Variants in GALNT18 observed in about 807,000 individuals in gnomAD.
GALNT18 encodes polypeptide N-acetylgalactosaminyltransferase 18.
GALNT18 carries 44 observed loss-of-function variants against 69.5 expected under a neutral mutation model. The ratio of observed to expected loss-of-function variants is 0.63; its 90% CI spans 0.50 to 0.81. The LOEUF (loss-of-function observed/expected upper bound fraction) is 0.81, where lower values mean the gene tolerates loss of function less well. Ranked by LOEUF, GALNT18 falls within the 40% of genes least tolerant of loss-of-function variation. GALNT18 has a pLI of 0.00. For missense variants in GALNT18, 715 were observed against 810.0 expected (o/e 0.88, Z 1.42); for synonymous variants, 364 against 318.2 (o/e 1.14, Z -1.53).
chr11:11,576,611 T>C (rs1332711417), intron 1 of GALNT18, among the ~76,000 whole-genome samples: 1 of 152,192 alleles, frequency 6.6e-6, no homozygotes, highest in Non-Finnish European at 1.5e-5. Context: ...GATTAGGAAA[T>C]TGAGGCCACA....
chr11:11,464,458 T>C (rs534033985), intron 1 of GALNT18, among the ~76,000 whole-genome samples: 22 of 152,158 alleles, frequency 1.4e-4, no homozygotes, highest in African/African-American at 5.1e-4. Flanking sequence ...CCCATGAACA[T>C]CTCCTCTTCA....
intron 1 of GALNT18, among the ~76,000 whole-genome samples, chr11:11,482,248 G>A (rs930093102): frequency 1.3e-5 from 2 of 152,242 alleles, no homozygotes; most frequent in Admixed American, 1.3e-4. Flanking sequence ...GGAGGGGCCT[G>A]CCATCCTCCC....
At chr11:11,515,632 G>C (rs1857258399) in intron 1 of GALNT18, among the ~76,000 whole-genome samples, 1 of 152,242 alleles carries the variant, frequency 6.6e-6, no homozygotes. Flanking sequence ...AGTTGGGTTG[G>C]GAGATAGAGA....
At chr11:11,369,522 C>A (rs972488894) in intron 6 of GALNT18, among the ~76,000 whole-genome samples, 1 of 152,138 alleles carries the variant, frequency 6.6e-6, no homozygotes, top group Non-Finnish European at 1.5e-5. Flanking sequence ...TTTGTCTTAA[C>A]TTGATTACAT....
rs1855011763 is a variant in GALNT18, at chr11:11,421,799, T to C, written c.595+10822A>G. Among the ~76,000 whole-genome samples, 1 of 151,902 alleles carries C rather than the reference T, an allele frequency of 6.6e-6. No homozygotes were observed. The highest frequency in any genetic ancestry group is 1.5e-5 in the Non-Finnish European group (1 of 68,004). On this transcript the variant is annotated intron_variant, in intron 3 of 10. Transcript: ENST00000227756. The surrounding 1 kb of genome is among the most constrained non-coding windows in gnomAD (Gnocchi z 5.6). ...GCCACGCTGCTAGCACACAGCATCT[T>C]GATGTACTTGGCCAAAAGGTGCCTT...
chr11:11,513,576 T>C (rs150218592), intron 1 of GALNT18, among the ~76,000 whole-genome samples: 10 of 152,324 alleles, frequency 6.6e-5, no homozygotes, highest in South Asian at 2.1e-4. Flanking sequence ...CCTTGCCCCA[T>C]ACCTCTGCAT....
chr11:11,325,052 A>G (rs1013242369), intron 9 of GALNT18, among the ~76,000 whole-genome samples: 4 of 152,246 alleles, frequency 2.6e-5, no homozygotes, highest in Admixed American at 2.6e-4. Flanking sequence ...AGATGCATGC[A>G]CATGCATGTT....
chr11:11,472,493 G>A (rs1168206269), intron 1 of GALNT18, among the ~76,000 whole-genome samples: 1 of 152,214 alleles, frequency 6.6e-6, no homozygotes, highest in Non-Finnish European at 1.5e-5. Flanking sequence ...TTTCTGGGCT[G>A]TGCAACTGAT....
chr11:11,378,491 G>C (rs1853829479), intron 4 of GALNT18, among the ~76,000 whole-genome samples: 1 of 152,190 alleles, frequency 6.6e-6, no homozygotes, highest in Admixed American at 6.5e-5. Context: ...CAGCCACTTG[G>C]GCCTTCTGTC....
chr11:11,506,232 T>C (rs558322974), intron 1 of GALNT18, among the ~76,000 whole-genome samples: 27 of 152,350 alleles, frequency 1.8e-4, no homozygotes, highest in African/African-American at 5.3e-4. Context: ...AACCAATACA[T>C]GCATACACAC....
At chr11:11,412,470 T>C (rs1854753602) in intron 3 of GALNT18, among the ~76,000 whole-genome samples, 1 of 152,158 alleles carries the variant, frequency 6.6e-6, no homozygotes, top group African/African-American at 2.4e-5. Context: ...CTGTCCATCA[T>C]CAGATGGCCC....
chr11:11,316,045 C>CT (rs1183107506), intron 9 of GALNT18, among the ~76,000 whole-genome samples: 1 of 152,180 alleles, frequency 6.6e-6, no homozygotes, highest in Non-Finnish European at 1.5e-5. Flanking sequence ...CCAATTAACC[C>CT]TAACTGGATT....
intron 3 of GALNT18, among the ~76,000 whole-genome samples, chr11:11,423,365 A>T (rs906139655): frequency 6.6e-6 from 1 of 152,260 alleles, no homozygotes; most frequent in African/African-American, 2.4e-5. Flanking sequence ...ATGCACATAC[A>T]TGCACACTCA....
intron 1 of GALNT18, among the ~76,000 whole-genome samples, chr11:11,558,474 G>A (rs1858387074): frequency 6.6e-6 from 1 of 152,284 alleles, no homozygotes; most frequent in Non-Finnish European, 1.5e-5. Flanking sequence ...GGGCTCTGCG[G>A]AGGGCACAGC....
rs1859644733 is a variant in GALNT18 at position 11,601,957 on chromosome 11, C to T, written c.235+19402G>A. 6.6e-6 allele frequency among the ~76,000 whole-genome samples: 1 copy of T among 152,150 alleles called. No individual in the cohort carries two copies. Among genetic ancestry groups the T allele is most frequent in the African/African-American group, 2.4e-5 (1 of 41,416 alleles). On this transcript the variant is annotated intron_variant, in intron 1 of 10. Transcript: ENST00000227756. This position sits in a 1 kb window ranked among gnomAD's most constrained non-coding sequence, Gnocchi z 4.0. ...TGTGCTAGGTCGTCTAGCTGGCCTA[C>T]TCTGTTTGTTTTGTTGCTATTATGG...
rs1433431437 is a variant in GALNT18, at chr11:11,435,614, C to T, written c.429-2827G>A. Among the ~76,000 whole-genome samples, 1 of 152,162 alleles carries T rather than the reference C, an allele frequency of 6.6e-6. No individual in the cohort carries two copies. The highest frequency in any genetic ancestry group is 2.4e-5 in the African/African-American group (1 of 41,432). The stretch of plus-strand genomic sequence containing the variant: ...TTTGCTTTTGGACTGTGCTGTCTCC[C>T]AACCTTGGACCACAGTCTGGCACTT... On this transcript the variant is annotated intron_variant, in intron 2 of 10. Coordinates refer to ENST00000227756, the MANE Select transcript of GALNT18 (RefSeq NM_198516.3). This position sits in a 1 kb window ranked among gnomAD's most constrained non-coding sequence, Gnocchi z 4.4.
intron 1 of GALNT18, among the ~76,000 whole-genome samples, chr11:11,481,695 T>C (rs1394742636): frequency 1.3e-5 from 2 of 151,972 alleles, no homozygotes; most frequent in African/African-American, 4.8e-5. Context: ...GTGCTGGTGG[T>C]TGGAATTTGG....
rs148018428 is a variant in GALNT18 at position 11,404,648 on chromosome 11, G to A, written c.596-25384C>T. Among the ~76,000 whole-genome samples, 450 of 152,188 alleles carry A rather than the reference G, an allele frequency of 3.0e-3. 4 individuals carry two copies. The highest frequency in any genetic ancestry group is 0.011 in the African/African-American group (441 of 41,510). ...GAATTCCTCTCAAGCTTTACTGCCCGCAGCCATATTCTCATTCAAATGGGA... is the reference window on the plus strand; with the variant it reads ...GAATTCCTCTCAAGCTTTACTGCCCACAGCCATATTCTCATTCAAATGGGA... On this transcript the variant is annotated intron_variant, in intron 3 of 10. Coordinates refer to ENST00000227756, the MANE Select transcript of GALNT18 (RefSeq NM_198516.3). This position sits in a 1 kb window ranked among gnomAD's most constrained non-coding sequence, Gnocchi z 4.5.
chr11:11,516,584 T>A (rs938948983), intron 1 of GALNT18, among the ~76,000 whole-genome samples: 5 of 152,162 alleles, frequency 3.3e-5, no homozygotes, highest in Non-Finnish European at 7.4e-5. Context: ...TGAGCCCAGA[T>A]GACACCATTG....
Sources: gnomAD v4.1 joint callset for allele counts (sites outside exome capture counted in the v4.1 genomes callset) on GRCh38, gnomAD v4.1.1 for gene constraint, Gnocchi (gnomAD v3.1) non-coding constraint, MANE v1.5 for transcripts, NCBI Gene and HGNC (gene_info 2026-07-23, HGNC 2026-07-21) for gene names.